SPEF2: variants seen among roughly 807,000 people sequenced by gnomAD.
SPEF2 encodes the protein sperm flagellar and cilia associated 2.
A neutral mutation model predicts 224.6 loss-of-function variants in SPEF2; 187 were observed. The ratio of observed to expected loss-of-function variants is 0.83; its 90% CI spans 0.74 to 0.94. The LOEUF is 0.94. Among genes scored for constraint, SPEF2 ranks in the 40% least tolerant of loss-of-function variants. SPEF2 has a pLI of 0.00. For missense variants in SPEF2, 2,170 were observed against 2,135.6 expected (o/e 1.02, Z -0.32); for synonymous variants, 715 against 707.3 (o/e 1.01, Z -0.17).
intron 16 of SPEF2, among the ~76,000 whole-genome samples, chr5:35,704,016 A>G (rs1042377367): frequency 6.6e-6 from 1 of 152,160 alleles, no homozygotes; most frequent in African/African-American, 2.4e-5. Context: ...TTAATCCAGA[A>G]TAGGACTCAA....
chr5:35,642,048 T>C (rs1327490276), intron 3 of SPEF2, among the ~76,000 whole-genome samples: 1 of 152,074 alleles, frequency 6.6e-6, no homozygotes, highest in Non-Finnish European at 1.5e-5. Context: ...ACAGGCCTAA[T>C]ACTTTTTGTG....
chr5:35,681,038 C>T (rs764756303), intron 10 of SPEF2, among the ~76,000 whole-genome samples: 3 of 152,156 alleles, frequency 2.0e-5, no homozygotes, highest in Non-Finnish European at 2.9e-5. Flanking sequence ...TTTCTGCCCA[C>T]GGTGTTTGGG....
At chr5:35,684,026 A>T (rs1408331711) in intron 10 of SPEF2, 1 of 152,192 alleles carries the variant, frequency 6.6e-6, no homozygotes, top group African/African-American at 2.4e-5. Context: ...TAATAGTCAG[A>T]TGTCTATTTA....
rs773146639 is a variant in SPEF2, at chr5:35,793,173, A to G, written c.4569A>G (p.Thr1523=). The G allele has an allele frequency of 6.2e-7, 1 of 1,613,986 alleles. No individual in the cohort carries two copies. Among genetic ancestry groups the G allele is most frequent in the Non-Finnish European group, 8.5e-7 (1 of 1,179,934 alleles). The change falls in exon 32 of 37, where the codon ACA becomes ACG. Residue 1523 remains threonine (T), a synonymous_variant. Coordinates refer to ENST00000356031, the MANE Select transcript of SPEF2 (RefSeq NM_024867.4). ...TTTTCTTCTAGTTACAGGAATTAAC[A>G]TCTTTATTAACAGTCAACTCCGAGT... ...HLTQPELQEL[T]SLLTVNSEFV...
chr5:35,790,223 C>T (rs759955058), intron 30 of SPEF2: 3 of 684,344 alleles, frequency 4.4e-6, no homozygotes, highest in South Asian at 3.1e-5. Flanking sequence ...TGACGGATGT[C>T]CTAATTATTC....
At position 35,735,659 on chromosome 5, in the gene SPEF2, G is replaced by T. The variant is rs569591618; in HGVS notation, c.3064-4260G>T. On this transcript the variant is annotated intron_variant, in intron 21 of 36. Coordinates refer to ENST00000356031, the MANE Select transcript of SPEF2 (RefSeq NM_024867.4). The stretch of plus-strand genomic sequence containing the variant: ...TGTAATTCCCTGAGTGAATAAATGC[G>T]CAGCCAATAAGGGAATAATGAGTAC... Among the ~76,000 whole-genome samples the T allele has an allele frequency of 5.9e-5, 9 of 152,262 alleles. No individual in the cohort carries two copies. The South Asian group carries it at 1.7e-3, about 28-fold the overall frequency.
intron 23 of SPEF2, among the ~76,000 whole-genome samples, chr5:35,745,673 C>G (rs1748406234): frequency 6.6e-6 from 1 of 152,192 alleles, no homozygotes; most frequent in South Asian, 2.1e-4. Flanking sequence ...GCAAAACCCA[C>G]CCAAGGAGAA....
intron 26 of SPEF2, among the ~76,000 whole-genome samples, chr5:35,770,945 TACTC>T (rs1561337789): frequency 6.6e-6 from 1 of 152,090 alleles, no homozygotes; most frequent in African/African-American, 2.4e-5. Flanking sequence ...ACCTCACAAA[TACTC>T]AGTCTTTTGG....
At position 35,698,864 on chromosome 5, in the gene SPEF2, C is replaced by G. The variant is rs563551651; in HGVS notation, c.2141+1071C>G. 9.8e-5 allele frequency: 15 copies of G among 152,376 alleles called. 1 individual carries two copies. Among genetic ancestry groups the G allele is most frequent in the Admixed American group, 9.8e-4 (15 of 15,282 alleles). 9.4% of individuals were successfully genotyped at this position (152,376 alleles called of 1,614,324 possible). A position where few individuals can be genotyped will look rare whatever the true frequency, so the allele number is the denominator to read the frequency against. ...CTGAACAAAGGTAGCCCTCACCTCC[C>G]CCTTCCTCTGAAGTGGCTTCTGTGA... On this transcript the variant is annotated intron_variant, in intron 15 of 36. Transcript: ENST00000356031.
chr5:35,806,337 C>T (rs1758051890), intron 34 of SPEF2, among the ~76,000 whole-genome samples: 1 of 152,180 alleles, frequency 6.6e-6, no homozygotes, highest in Non-Finnish European at 1.5e-5. Flanking sequence ...ATTGACTTGC[C>T]TTAGCCTCTC....
At chr5:35,812,389 T>C (rs1425818871) in intron 36 of SPEF2, among the ~76,000 whole-genome samples, 1 of 152,108 alleles carries the variant, frequency 6.6e-6, no homozygotes, top group Admixed American at 6.6e-5. Context: ...GGCATTCAGC[T>C]AAAGTCACTT....
In SPEF2 at chr5:35,807,077, T is replaced by A; in HGVS notation, c.5257-54T>A. ...CTTTAGTAAATACAACCATTTTTTT[T>A]AACATCTACTGGATTGTGAGGTTGA... On this transcript the variant is annotated intron_variant, in intron 35 of 36. Transcript: ENST00000356031. 3.8e-6 allele frequency: 6 copies of A among 1,571,998 alleles called. No individual in the cohort carries two copies. The South Asian group carries it at 6.0e-5, about 16-fold the overall frequency.
At chr5:35,653,018 A>G (rs1291294186) in intron 6 of SPEF2, among the ~76,000 whole-genome samples, 1 of 152,146 alleles carries the variant, frequency 6.6e-6, no homozygotes, top group African/African-American at 2.4e-5. Flanking sequence ...ATCTTGTACT[A>G]TTGTATTATT....
intron 29 of SPEF2, 113 bp from the exon 30 acceptor site, chr5:35,779,004 T>G: frequency 1.6e-6 from 1 of 618,252 alleles, no homozygotes; most frequent in East Asian, 3.1e-5. Context: ...GCAGATGGAG[T>G]TGTCTAAGAG....
At chr5:35,652,846 T>C (rs1300297136) in intron 6 of SPEF2, among the ~76,000 whole-genome samples, 1 of 152,146 alleles carries the variant, frequency 6.6e-6, no homozygotes, top group East Asian at 1.9e-4. Flanking sequence ...TATATAAGAA[T>C]TGATGACAAG....
chr5:35,760,226 A>G (rs1281082984), intron 25 of SPEF2, among the ~76,000 whole-genome samples: 2 of 151,612 alleles, frequency 1.3e-5, no homozygotes, highest in Non-Finnish European at 3.0e-5. Flanking sequence ...AGCCGGGCGT[A>G]GTGGCGGGCG....
chr5:35,753,546 G>C, intron 23 of SPEF2, 78 bp from the exon 24 acceptor site: 1 of 1,591,202 alleles, frequency 6.3e-7, no homozygotes, highest in Non-Finnish European at 8.6e-7. Context: ...GAGAGGCAAA[G>C]GATTTTAGTT....
At chr5:35,706,530 A>G (rs1314873135) in intron 18 of SPEF2, among the ~76,000 whole-genome samples, 1 of 152,100 alleles carries the variant, frequency 6.6e-6, no homozygotes, top group Middle Eastern at 3.2e-3. Context: ...TGAAAAATAA[A>G]TCTTTCTTTT....
At chr5:35,782,347 G>T (rs570174864) in intron 30 of SPEF2, among the ~76,000 whole-genome samples, 1 of 152,192 alleles carries the variant, frequency 6.6e-6, no homozygotes, top group Admixed American at 6.5e-5. Context: ...TCTATGCCAA[G>T]AAATAAAAAC....
Sources: allele counts gnomAD v4.1 joint callset (sites outside exome capture counted in the v4.1 genomes callset), GRCh38; gene constraint gnomAD v4.1.1; transcripts MANE v1.5; gene names NCBI Gene and HGNC (gene_info 2026-07-23, HGNC 2026-07-21).